The following RORA variants were observed in gnomAD, a reference collection of about 807,000 sequenced individuals.
RORA encodes the protein RAR related orphan receptor A.
Under a neutral mutation model 69.5 loss-of-function variants are expected in RORA, and 7 were observed. The ratio of observed to expected loss-of-function variants is 0.10; its 90% CI spans 0.06 to 0.19. The LOEUF (loss-of-function observed/expected upper bound fraction) is 0.19, where lower values mean the gene tolerates loss of function less well. Ranked by LOEUF, RORA falls within the 10% of genes least tolerant of loss-of-function variation. RORA has a pLI of 1.00. For missense variants in RORA, 457 were observed against 663.0 expected (o/e 0.69, Z 3.41); for synonymous variants, 261 against 240.8 (o/e 1.08, Z -0.78).
intron 1 of RORA, among the ~76,000 whole-genome samples, chr15:61,029,723 A>C (rs112600342): frequency 1.3e-5 from 2 of 152,200 alleles, no homozygotes; most frequent in Non-Finnish European, 2.9e-5. Context: ...CATGTTTTAT[A>C]ACAAGATGGA....
rs61265165 is a variant in RORA, at chr15:60,653,298, C to CGTGTGT, written c.196+25353_196+25358dup. Among the ~76,000 whole-genome samples, 291 of 147,586 alleles carry CGTGTGT rather than the reference C, an allele frequency of 2.0e-3. 1 individual carries two copies. Among genetic ancestry groups the CGTGTGT allele is most frequent in the African/African-American group, 6.7e-3 (268 of 40,062 alleles). The stretch of plus-strand genomic sequence containing the variant: ...TTGGCATAATGTGTACAGGTGCATG[C>CGTGTGT]GTGTGTGTGTGTGTGTGTGTGTGTG... On this transcript the variant is annotated intron_variant, in intron 2 of 10. Coordinates refer to ENST00000335670, the MANE Select transcript of RORA (RefSeq NM_134261.3).
At chr15:61,092,209 A>G (rs2078717906) in intron 1 of RORA, among the ~76,000 whole-genome samples, 1 of 152,266 alleles carries the variant, frequency 6.6e-6, no homozygotes, top group Middle Eastern at 3.2e-3. Context: ...CCATTCTTAC[A>G]GGGAAGAAAT....
At chr15:60,790,027 C>T (rs1309196465) in intron 1 of RORA, among the ~76,000 whole-genome samples, 2 of 152,206 alleles carry the variant, frequency 1.3e-5, no homozygotes, top group African/African-American at 4.8e-5. Context: ...TTCCAAGACT[C>T]ACCTTCCTCC....
chr15:60,907,843 G>A (rs1424961245), intron 1 of RORA, among the ~76,000 whole-genome samples: 1 of 152,172 alleles, frequency 6.6e-6, no homozygotes, highest in African/African-American at 2.4e-5. Context: ...AAGTCACCAA[G>A]GTCTGTAACT....
rs1596126748 is a variant in RORA, at chr15:60,686,763, A to T, written c.167-8077T>A. ...AACTGTCTGTGGGTGACTTGCCTGGATGCCGGCTATAGCTGCAGCCCCCAA... is the reference window on the plus strand; with the variant it reads ...AACTGTCTGTGGGTGACTTGCCTGGTTGCCGGCTATAGCTGCAGCCCCCAA... On this transcript the variant is annotated intron_variant, in intron 1 of 10. Coordinates refer to ENST00000335670, the MANE Select transcript of RORA (RefSeq NM_134261.3). The T allele has an allele frequency of 2.6e-5, 4 of 152,334 alleles. No individual in the cohort carries two copies. In the South Asian group the frequency reaches 8.3e-4, roughly 32 times the overall value. 9.4% of individuals were successfully genotyped at this position (152,334 alleles called of 1,614,324 possible).
In RORA at chr15:61,218,136, C is replaced by T. The variant is rs1009749162; in HGVS notation, c.166+10917G>A. Reference sequence around the variant, plus strand: ...TTAAATAATAGAGCAAACACAATCACGCATCACAAGTGAAGGGTAAATATT... The same window carrying T: ...TTAAATAATAGAGCAAACACAATCATGCATCACAAGTGAAGGGTAAATATT... On this transcript the variant is annotated intron_variant, in intron 1 of 10. Transcript: ENST00000335670. Among the ~76,000 whole-genome samples, 12 of 151,760 alleles carry T rather than the reference C, an allele frequency of 7.9e-5. No individual in the cohort carries two copies. The East Asian group carries it at 9.7e-4, about 12-fold the overall frequency.
At chr15:60,581,518 A>G (rs2140485747) in intron 2 of RORA, among the ~76,000 whole-genome samples, 1 of 152,348 alleles carries the variant, frequency 6.6e-6, no homozygotes, top group South Asian at 2.1e-4. Context: ...TGTGAATGCA[A>G]TGGAGGTACA....
intron 2 of RORA, among the ~76,000 whole-genome samples, chr15:60,559,559 C>G (rs1377943027): frequency 1.3e-5 from 2 of 152,178 alleles, no homozygotes; most frequent in Non-Finnish European, 2.9e-5. Flanking sequence ...TACTTCCTAA[C>G]TTCTCAGATG....
chr15:60,979,973 C>T (rs1411710368), intron 1 of RORA, among the ~76,000 whole-genome samples: 2 of 152,172 alleles, frequency 1.3e-5, no homozygotes, highest in African/African-American at 4.8e-5. Flanking sequence ...ACAGGGAAAG[C>T]TTCCAGTCTT....
chr15:60,658,627 A>G (rs1471505730), intron 2 of RORA, among the ~76,000 whole-genome samples: 1 of 152,180 alleles, frequency 6.6e-6, no homozygotes, highest in Non-Finnish European at 1.5e-5. Flanking sequence ...GCTATTTGTA[A>G]AACTCTTGAA....
At chr15:60,851,845 C>T (rs1392388882) in intron 1 of RORA, among the ~76,000 whole-genome samples, 1 of 151,772 alleles carries the variant, frequency 6.6e-6, no homozygotes, top group Non-Finnish European at 1.5e-5. Context: ...CTACCAATGA[C>T]GTAAGTTCTG....
chr15:60,624,349 C>A (rs1408766286), intron 2 of RORA, among the ~76,000 whole-genome samples: 1 of 150,630 alleles, frequency 6.6e-6, no homozygotes, highest in Non-Finnish European at 1.5e-5. Flanking sequence ...GAGACTTAGA[C>A]CATAGAGAGT....
chr15:60,541,705 G>T (rs999798858), intron 2 of RORA, among the ~76,000 whole-genome samples: 5 of 152,168 alleles, frequency 3.3e-5, no homozygotes, highest in African/African-American at 1.2e-4. Flanking sequence ...TTTTAAGAAG[G>T]TCTGACATCT....
chr15:60,700,709 A>G (rs540007158), intron 1 of RORA, among the ~76,000 whole-genome samples: 11 of 152,292 alleles, frequency 7.2e-5, no homozygotes, highest in African/African-American at 2.6e-4. Flanking sequence ...TAGCTCTCCA[A>G]ATGTTCCATG....
chr15:61,188,232 C>T lies in RORA; in HGVS notation c.166+40821G>A, dbSNP rs760671020. Among the ~76,000 whole-genome samples the T allele has an allele frequency of 3.9e-5, 6 of 152,302 alleles. No individual in the cohort carries two copies. The South Asian group carries it at 6.2e-4, about 16-fold the overall frequency. On this transcript the variant is annotated intron_variant, in intron 1 of 10. Transcript: ENST00000335670. ...CTCTGCAAAAGGTCAGAAAGTGAAT[C>T]GTCTTTGCGGGCCAAAAGGTCTCTG...
At chr15:60,540,812 A>C (rs1567071594) in intron 2 of RORA, among the ~76,000 whole-genome samples, 1 of 152,236 alleles carries the variant, frequency 6.6e-6, no homozygotes, top group Non-Finnish European at 1.5e-5. Context: ...GAAATAACTT[A>C]GAACATTAAA....
chr15:60,816,805 T>C (rs2140373387), intron 1 of RORA, among the ~76,000 whole-genome samples: 1 of 152,094 alleles, frequency 6.6e-6, no homozygotes, highest in African/African-American at 2.4e-5. Context: ...ATTTGGAAGC[T>C]CTGTTATTAG....
chr15:61,206,746 C>A (rs1203747359), intron 1 of RORA, among the ~76,000 whole-genome samples: 31 of 152,204 alleles, frequency 2.0e-4, no homozygotes, highest in Admixed American at 2.0e-3. Context: ...CAGCACACAG[C>A]CCTCAGCAGC....
rs1310201908 is a variant in RORA at position 60,537,482 on chromosome 15, C to A, written c.197-5631G>T. Among the ~76,000 whole-genome samples, 1 of 152,180 alleles carries A rather than the reference C, an allele frequency of 6.6e-6. No homozygotes were observed. The highest frequency in any genetic ancestry group is 1.5e-5 in the Non-Finnish European group (1 of 68,032). ...TGCTAGGAGTGGACAGTTCAGGGAG[C>A]AACATGCTTTCTCTCCACTCTGCCA... On this transcript the variant is annotated intron_variant, in intron 2 of 10. Coordinates refer to ENST00000335670, the MANE Select transcript of RORA (RefSeq NM_134261.3). The surrounding 1 kb of genome is among the most constrained non-coding windows in gnomAD (Gnocchi z 4.9).
Sources: gnomAD v4.1 joint callset for allele counts (sites outside exome capture counted in the v4.1 genomes callset) on GRCh38, gnomAD v4.1.1 for gene constraint, Gnocchi (gnomAD v3.1) non-coding constraint, MANE v1.5 for transcripts, NCBI Gene and HGNC (gene_info 2026-07-23, HGNC 2026-07-21) for gene names.